LARGE1: variants seen among roughly 807,000 people sequenced by gnomAD.
LARGE1 encodes xylosyl- and glucuronyltransferase LARGE1.
A neutral mutation model predicts 87.6 loss-of-function variants in LARGE1; 43 were observed. That is an observed-to-expected ratio of 0.49 (90% CI 0.38 to 0.63). The LOEUF is 0.63. Ranked by LOEUF, LARGE1 falls within the 30% of genes least tolerant of loss-of-function variation. LARGE1 has a pLI of 0.00. For synonymous variants in LARGE1, 434 were observed against 394.6 expected, an observed-to-expected ratio of 1.10 and a Z score of -1.18; for missense variants, 802 against 1,000.2, an observed-to-expected ratio of 0.80 and a Z score of 2.67.
chr22:33,552,020 T>C (rs2077538373), intron 6 of LARGE1, among the ~76,000 whole-genome samples: 1 of 138,016 alleles, frequency 7.2e-6, no homozygotes, highest in African/African-American at 2.7e-5. Flanking sequence ...AAAAAAGTGA[T>C]CTAGCTAAAA....
chr22:33,273,222 A>G lies in LARGE1; in HGVS notation c.*1205T>C, dbSNP rs1350654930. 2 of 396,748 alleles carry G rather than the reference A, an allele frequency of 5.0e-6. No individual in the cohort carries two copies. 24.6% of individuals were successfully genotyped at this position (396,748 alleles called of 1,614,324 possible). On this transcript the variant is annotated 3_prime_UTR_variant, in exon 15 of 15. Coordinates refer to ENST00000397394, the MANE Select transcript of LARGE1 (RefSeq NM_133642.5). ...ACAATATTAATATTGAAGATTAAAG[A>G]AAATGGGTAAAAAGTCCAGTGTCTC...
At chr22:33,651,403 A>AG (rs1002953134) in intron 2 of LARGE1, among the ~76,000 whole-genome samples, 1 of 149,764 alleles carries the variant, frequency 6.7e-6, no homozygotes, top group Non-Finnish European at 1.5e-5. Context: ...AAAAAAAAAA[A>AG]AAAAAAAGAA....
At chr22:33,828,583 A>C (rs1295085321) in intron 1 of LARGE1, among the ~76,000 whole-genome samples, 2 of 152,188 alleles carry the variant, frequency 1.3e-5, no homozygotes, top group South Asian at 2.1e-4. Context: ...GAGGAGTGAG[A>C]AGTAAGCGAC....
At chr22:33,888,867 CA>C (rs968842078) in intron 1 of LARGE1, among the ~76,000 whole-genome samples, 3 of 152,068 alleles carry the variant, frequency 2.0e-5, no homozygotes, top group African/African-American at 7.2e-5. Flanking sequence ...AATAACAAAA[CA>C]AAAAACAAAT....
intron 5 of LARGE1, among the ~76,000 whole-genome samples, chr22:33,578,388 T>C (rs934443064): frequency 1.3e-5 from 2 of 152,176 alleles, no homozygotes; most frequent in African/African-American, 2.4e-5. Context: ...CGAAAGTGAG[T>C]CATTTATCTA....
intron 1 of LARGE1, among the ~76,000 whole-genome samples, chr22:33,762,366 TG>T (rs2084765554): frequency 6.6e-6 from 1 of 152,222 alleles, no homozygotes; most frequent in African/African-American, 2.4e-5. Context: ...AGGTGCTGAC[TG>T]CCCTGTGCGT....
At chr22:33,341,963 C>T (rs991665710) in intron 9 of LARGE1, among the ~76,000 whole-genome samples, 4 of 152,176 alleles carry the variant, frequency 2.6e-5, no homozygotes, top group African/African-American at 7.2e-5. Context: ...GCAAGCACTC[C>T]GCATTCAGGA....
At chr22:33,262,278 ACTC>A (rs1406322021) in intron 11 of LARGE1, among the ~76,000 whole-genome samples, 1 of 152,022 alleles carries the variant, frequency 6.6e-6, no homozygotes, top group African/African-American at 2.4e-5. Flanking sequence ...TCCTAAAAGA[ACTC>A]CTGGAAATTG....
chr22:33,216,377 C>T (rs1200387826), intron 11 of LARGE1, among the ~76,000 whole-genome samples: 1 of 152,062 alleles, frequency 6.6e-6, no homozygotes, highest in Non-Finnish European at 1.5e-5. Context: ...GCCTGTAATC[C>T]CAGCACTTAG....
chr22:33,280,474 A>C lies in LARGE1; in HGVS notation c.1877+2728T>G, dbSNP rs947260130. Among the ~76,000 whole-genome samples the C allele has an allele frequency of 2.6e-5, 4 of 152,180 alleles. No individual in the cohort carries two copies. The East Asian group carries it at 7.7e-4, about 29-fold the overall frequency. ...CCTTTAGAATCTAAACTCTCAGAAA[A>C]TTATAATGTGAAAAGGAAGGGAAAA... is the stretch of plus-strand genomic sequence containing the variant. On this transcript the variant is annotated intron_variant, in intron 13 of 14. Transcript: ENST00000397394.
At chr22:33,726,682 T>G (rs1329248101) in intron 2 of LARGE1, among the ~76,000 whole-genome samples, 1 of 152,178 alleles carries the variant, frequency 6.6e-6, no homozygotes, top group East Asian at 1.9e-4. Flanking sequence ...CAAAGTCCTT[T>G]TTAATATGGT....
the LARGE1 span, among the ~76,000 whole-genome samples, chr22:33,124,070 T>G: frequency 6.6e-6 from 1 of 152,126 alleles, no homozygotes. Context: ...GCGGATCACT[T>G]GAGGTCAGGA....
At chr22:33,592,415 T>A (rs73396636) in intron 5 of LARGE1, among the ~76,000 whole-genome samples, 1 of 152,096 alleles carries the variant, frequency 6.6e-6, no homozygotes, top group African/African-American at 2.4e-5. Flanking sequence ...ACTTATTTCA[T>A]TGGGGTCATG....
At chr22:33,263,442 G>C (rs1040294275) in intron 11 of LARGE1, among the ~76,000 whole-genome samples, 4 of 152,256 alleles carry the variant, frequency 2.6e-5, no homozygotes, top group Non-Finnish European at 5.9e-5. Context: ...ATGTGGCAGA[G>C]AGGACTCCTT....
intron 1 of LARGE1, among the ~76,000 whole-genome samples, chr22:33,822,705 T>G (rs144226907): frequency 2.0e-5 from 3 of 152,152 alleles, no homozygotes; most frequent in Non-Finnish European, 4.4e-5. Context: ...CTCAAAAAAG[T>G]AATATGAATT....
In LARGE1 at chr22:33,338,991, T is replaced by C. The variant is rs573389680; in HGVS notation, c.1132-1190A>G. Among the ~76,000 whole-genome samples the C allele has an allele frequency of 4.6e-5, 7 of 151,558 alleles. No individual in the cohort carries two copies. In the South Asian group the frequency reaches 1.0e-3, roughly 23 times the overall value. ...GGTGAAACCCTGTCTCCACCAAAAATATAAAAATTAGCTGGGCGTGGTGGC... is the reference window on the plus strand; with the variant it reads ...GGTGAAACCCTGTCTCCACCAAAAACATAAAAATTAGCTGGGCGTGGTGGC... On this transcript the variant is annotated intron_variant, in intron 9 of 14. Transcript: ENST00000397394.
intron 2 of LARGE1, among the ~76,000 whole-genome samples, chr22:33,752,256 C>T (rs552606882): frequency 6.6e-6 from 1 of 152,176 alleles, no homozygotes; most frequent in South Asian, 2.1e-4. Flanking sequence ...CTTGGCTTTG[C>T]TTGGTAATAC....
At chr22:33,693,184 A>C (rs2082144012) in intron 2 of LARGE1, among the ~76,000 whole-genome samples, 1 of 152,198 alleles carries the variant, frequency 6.6e-6, no homozygotes, top group African/African-American at 2.4e-5. Context: ...CTTACAAGTG[A>C]GAGCTAAACT....
At chr22:33,186,361 T>C (rs566681383) in intron 11 of LARGE1, among the ~76,000 whole-genome samples, 94 of 152,292 alleles carry the variant, frequency 6.2e-4, no homozygotes, top group Middle Eastern at 6.8e-3. Context: ...GTCTTAACAT[T>C]TGAGAAGTAG....
Sources: gnomAD v4.1 joint callset for allele counts (sites outside exome capture counted in the v4.1 genomes callset) on GRCh38, gnomAD v4.1.1 for gene constraint, MANE v1.5 for transcripts, NCBI Gene and HGNC (gene_info 2026-07-23, HGNC 2026-07-21) for gene names.